POT1: variants seen among roughly 807,000 people sequenced by gnomAD.
POT1 encodes the protein protection of telomeres protein 1.
A neutral mutation model predicts 78.5 loss-of-function variants in POT1; 47 were observed. The observed-to-expected ratio is 0.60, with a 90% CI of 0.47 to 0.76. POT1 has a LOEUF of 0.76. POT1 is among the 30% of genes least tolerant of loss of function. The probability of loss-of-function intolerance (pLI) is 0.00; values close to 1 mark genes in which losing one functional copy is unlikely to be tolerated. For synonymous variants in POT1, 259 were observed against 260.7 expected, an observed-to-expected ratio of 0.99 and a Z score of 0.06; for missense variants, 646 against 749.9, an observed-to-expected ratio of 0.86 and a Z score of 1.62.
At chr7:124,842,719 C>T in intron 13 of POT1, 88 bp downstream of exon 13, 1 of 1,093,122 alleles carries the variant, frequency 9.1e-7, no homozygotes, top group Non-Finnish European at 1.3e-6. Context: ...TAACAATTTA[C>T]TTATTCCTAA....
At chr7:124,881,531 G>C (rs1796118134) in intron 6 of POT1, among the ~76,000 whole-genome samples, 1 of 151,890 alleles carries the variant, frequency 6.6e-6, no homozygotes, top group Non-Finnish European at 1.5e-5. Flanking sequence ...ACACCTTTCA[G>C]GTTCCCTCAA....
At chr7:124,913,246 A>G (rs1796934274) in intron 3 of POT1, among the ~76,000 whole-genome samples, 1 of 152,208 alleles carries the variant, frequency 6.6e-6, no homozygotes, top group Non-Finnish European at 1.5e-5. Flanking sequence ...CAGCCAAACC[A>G]TATCAACAAC....
intron 6 of POT1, among the ~76,000 whole-genome samples, chr7:124,884,779 T>C (rs184466950): frequency 3.3e-4 from 51 of 152,312 alleles, no homozygotes; most frequent in African/African-American, 1.2e-3. Context: ...AATTATGATA[T>C]TGATCAAGCA....
chr7:124,868,478 T>C (rs1006323686), intron 7 of POT1, among the ~76,000 whole-genome samples: 8 of 152,050 alleles, frequency 5.3e-5, no homozygotes. Flanking sequence ...TAGTAGCCTT[T>C]AAAACAGTTT....
At chr7:124,929,477 G>C (rs1290051685) in intron 1 of POT1, 4 of 152,072 alleles carry the variant, frequency 2.6e-5, no homozygotes, top group Non-Finnish European at 5.9e-5. Context: ...CTTCTGCATC[G>C]TAGGCTCAAC....
At chr7:124,888,029 T>C (rs1446074538) in intron 6 of POT1, among the ~76,000 whole-genome samples, 2 of 152,108 alleles carry the variant, frequency 1.3e-5, no homozygotes, top group East Asian at 1.9e-4. Flanking sequence ...TATATGTATA[T>C]ATGTATATAA....
At chr7:124,891,801 T>A (rs1404954269) in intron 6 of POT1, among the ~76,000 whole-genome samples, 2 of 134,650 alleles carry the variant, frequency 1.5e-5, no homozygotes, top group Non-Finnish European at 3.3e-5. Context: ...CACTTTTACT[T>A]CTACCCCCCA....
chr7:124,893,189 T>C (rs975496272), intron 5 of POT1, among the ~76,000 whole-genome samples: 1 of 151,340 alleles, frequency 6.6e-6, no homozygotes, highest in Non-Finnish European at 1.5e-5. Flanking sequence ...TTCTAAAAAA[T>C]GCAATTTAAG....
chr7:124,864,281 C>T (rs1335905148), intron 7 of POT1, among the ~76,000 whole-genome samples: 2 of 151,902 alleles, frequency 1.3e-5, no homozygotes, highest in African/African-American at 4.8e-5. Context: ...CATTTTTTTT[C>T]CTACAGTTTT....
At chr7:124,926,652 T>C (rs1377712686) in intron 2 of POT1, among the ~76,000 whole-genome samples, 1 of 152,192 alleles carries the variant, frequency 6.6e-6, no homozygotes, top group African/African-American at 2.4e-5. Flanking sequence ...CACAGCAGTA[T>C]TCAAAATCAC....
At chr7:124,906,998 G>T (rs907784782) in intron 3 of POT1, among the ~76,000 whole-genome samples, 1 of 152,054 alleles carries the variant, frequency 6.6e-6, no homozygotes, top group African/African-American at 2.4e-5. Context: ...ATTCAAACAA[G>T]AATTGGAATT....
chr7:124,916,134 A>T (rs1273540187), intron 2 of POT1, among the ~76,000 whole-genome samples: 1 of 152,180 alleles, frequency 6.6e-6, no homozygotes, highest in African/African-American at 2.4e-5. Context: ...GTTTAAAAAA[A>T]GTTACTTAGA....
chr7:124,924,111 C>A (rs1462369409), intron 2 of POT1, among the ~76,000 whole-genome samples: 20 of 90,308 alleles, frequency 2.2e-4, no homozygotes, highest in African/African-American at 7.3e-4. Context: ...TTAGCAGAAG[C>A]AAAGAAATAA....
intron 14 of POT1, among the ~76,000 whole-genome samples, chr7:124,839,217 T>G (rs1050704000): frequency 6.6e-6 from 1 of 152,136 alleles, no homozygotes; most frequent in African/African-American, 2.4e-5. Context: ...GAAATGGTAC[T>G]GGAAAACTGG....
intron 2 of POT1, among the ~76,000 whole-genome samples, chr7:124,928,347 G>T (rs1797325651): frequency 6.6e-6 from 1 of 152,094 alleles, no homozygotes; most frequent in Non-Finnish European, 1.5e-5. Context: ...ATAGCTTTTA[G>T]AGTAATATCC....
intron 6 of POT1, 133 bp from the exon 7 acceptor site, chr7:124,871,174 G>C: frequency 2.9e-6 from 2 of 683,764 alleles, no homozygotes; most frequent in Non-Finnish European, 4.2e-6. Flanking sequence ...TTAAAACAGA[G>C]ACATTTTCTT....
chr7:124,825,590 A>C (rs1794610997), intron 17 of POT1, among the ~76,000 whole-genome samples: 1 of 152,158 alleles, frequency 6.6e-6, no homozygotes, highest in African/African-American at 2.4e-5. Context: ...GCTCTGATTT[A>C]ATAATGATGA....
chr7:124,829,461 C>G, intron 15 of POT1, 119 bp from the exon 16 acceptor site: 1 of 633,152 alleles, frequency 1.6e-6, no homozygotes, highest in South Asian at 2.2e-5. Context: ...CAGAAGAATA[C>G]TGCATCCCCT....
chr7:124,865,312 C>T (rs1305005319), intron 7 of POT1, among the ~76,000 whole-genome samples: 2 of 152,034 alleles, frequency 1.3e-5, no homozygotes, highest in Admixed American at 1.3e-4. Flanking sequence ...GCATAAAGTA[C>T]ATTTAAGTCT....
Sources: gnomAD v4.1 joint callset for allele counts (sites outside exome capture counted in the v4.1 genomes callset) on GRCh38, gnomAD v4.1.1 for gene constraint, MANE v1.5 for transcripts, NCBI Gene and HGNC (gene_info 2026-07-23, HGNC 2026-07-21) for gene names.